The following CFAP61 variants were observed in gnomAD, a reference collection of about 807,000 sequenced individuals.
CFAP61 encodes cilia- and flagella-associated protein 61.
A neutral mutation model predicts 135.6 loss-of-function variants in CFAP61; 107 were observed. That is an observed-to-expected ratio of 0.79 (90% CI 0.67 to 0.93). The LOEUF is 0.93. Among genes scored for constraint, CFAP61 ranks in the 40% least tolerant of loss-of-function variants. The probability of loss-of-function intolerance (pLI) is 0.00; values close to 1 mark genes in which losing one functional copy is unlikely to be tolerated. For synonymous variants in CFAP61, 575 were observed against 578.5 expected (o/e 0.99, Z 0.09); for missense variants, 1,507 against 1,556.2 (o/e 0.97, Z 0.53).
At chr20:20,298,547 T>C (rs964137665) in intron 25 of CFAP61, among the ~76,000 whole-genome samples, 161 bp downstream of exon 25, 1 of 152,170 alleles carries the variant, frequency 6.6e-6, no homozygotes, top group Non-Finnish European at 1.5e-5. Context: ...CTGACGCTAA[T>C]GTGGGCTGGG....
intron 14 of CFAP61, 105 bp downstream of exon 14, chr20:20,188,161 CA>C: frequency 2.5e-6 from 3 of 1,194,920 alleles, no homozygotes; most frequent in Non-Finnish European, 3.6e-6. Flanking sequence ...AATCATATGG[CA>C]GGGGGCAGTG....
intron 2 of CFAP61, among the ~76,000 whole-genome samples, chr20:20,068,828 TCTGCCTCCCAGGTTCAAGCCATTCTC>T (rs2146562170): frequency 6.6e-6 from 1 of 152,374 alleles, no homozygotes; most frequent in African/African-American, 2.4e-5. Context: ...CGCTGCAACC[TCTGCCTCCCAGGTTCAAGCCATTCTC>T]CTGCCTCAGC....
intron 25 of CFAP61, among the ~76,000 whole-genome samples, chr20:20,336,856 GC>G (rs2058210377): frequency 6.6e-6 from 1 of 152,156 alleles, no homozygotes; most frequent in African/African-American, 2.4e-5. Flanking sequence ...CTGCAGCCCT[GC>G]CATGCCAGGC....
chr20:20,081,627 G>A (rs1267901019), intron 6 of CFAP61, among the ~76,000 whole-genome samples: 2 of 152,104 alleles, frequency 1.3e-5, no homozygotes, highest in African/African-American at 2.4e-5. Flanking sequence ...TTATGGTTTG[G>A]TCTCCCTTTC....
intron 25 of CFAP61, among the ~76,000 whole-genome samples, chr20:20,327,777 C>CA (rs60171844): frequency 0.026 from 1,546 of 60,370 alleles, 275 homozygotes; most frequent in South Asian, 0.054. Flanking sequence ...AAGAGCCTGT[C>CA]AAAAAAAAAA....
At chr20:20,099,847 G>A (rs1294912227) in intron 8 of CFAP61, among the ~76,000 whole-genome samples, 2 of 152,206 alleles carry the variant, frequency 1.3e-5, no homozygotes, top group Non-Finnish European at 2.9e-5. Flanking sequence ...ACAGAAGGCA[G>A]TGACTTGGCT....
At chr20:20,145,638 G>T (rs986937977) in intron 9 of CFAP61, among the ~76,000 whole-genome samples, 1 of 152,118 alleles carries the variant, frequency 6.6e-6, no homozygotes, top group Admixed American at 6.5e-5. Flanking sequence ...CTATAAAAAT[G>T]CACTTTAAAT....
At chr20:20,152,690 G>A (rs184014581) in intron 9 of CFAP61, among the ~76,000 whole-genome samples, 33 of 150,222 alleles carry the variant, frequency 2.2e-4, no homozygotes, top group Non-Finnish European at 4.5e-4. Flanking sequence ...AAATATATAT[G>A]CACCTAACAT....
intron 25 of CFAP61, among the ~76,000 whole-genome samples, chr20:20,341,518 C>T (rs1015513176): frequency 7.9e-5 from 12 of 152,264 alleles, no homozygotes; most frequent in African/African-American, 2.9e-4. Flanking sequence ...TTTTCTCAAA[C>T]GAGGGCAGAT....
At chr20:20,354,013 T>C (rs943024764) in intron 26 of CFAP61, among the ~76,000 whole-genome samples, 2 of 152,224 alleles carry the variant, frequency 1.3e-5, no homozygotes, top group African/African-American at 2.4e-5. Context: ...CAAAGAAATA[T>C]CTACATTCCT....
chr20:20,347,265 A>G lies in CFAP61; in HGVS notation c.3513+5344A>G, dbSNP rs551127473. 2.6e-5 allele frequency among the ~76,000 whole-genome samples: 4 copies of G among 152,372 alleles called. No individual in the cohort carries two copies. In the East Asian group the frequency reaches 7.7e-4, roughly 29 times the overall value. Reference sequence around the variant, plus strand: ...TCCAAAGAAAGCAGAATTTAAAGCTATAAGTGCCTACATAAAAAGAACTCA... The same window carrying G: ...TCCAAAGAAAGCAGAATTTAAAGCTGTAAGTGCCTACATAAAAAGAACTCA... On this transcript the variant is annotated intron_variant, in intron 26 of 26. Coordinates refer to ENST00000245957, the MANE Select transcript of CFAP61 (RefSeq NM_015585.4).
intron 18 of CFAP61, among the ~76,000 whole-genome samples, chr20:20,239,790 C>T (rs539698310): frequency 2.6e-5 from 4 of 152,084 alleles, no homozygotes; most frequent in African/African-American, 7.2e-5. Context: ...AACCGGAAAC[C>T]GTTGAGATTT....
chr20:20,335,338 A>G (rs1252396996), intron 25 of CFAP61, among the ~76,000 whole-genome samples: 1 of 152,246 alleles, frequency 6.6e-6, no homozygotes, highest in Non-Finnish European at 1.5e-5. Flanking sequence ...TCTTCGGGGT[A>G]TCACAGCTGA....
intron 17 of CFAP61, among the ~76,000 whole-genome samples, chr20:20,227,693 T>C (rs1471883732): frequency 1.3e-5 from 2 of 152,204 alleles, no homozygotes; most frequent in Non-Finnish European, 2.9e-5. Context: ...ATTGAATGCA[T>C]TTTTGCCATT....
intron 13 of CFAP61, among the ~76,000 whole-genome samples, chr20:20,180,929 C>A (rs1354170623): frequency 6.6e-6 from 1 of 152,018 alleles, no homozygotes; most frequent in African/African-American, 2.4e-5. Flanking sequence ...ACCACACATT[C>A]TCACTTATAG....
chr20:20,333,904 G>C (rs1244099796), intron 25 of CFAP61, among the ~76,000 whole-genome samples: 5 of 152,160 alleles, frequency 3.3e-5, no homozygotes, highest in Non-Finnish European at 7.4e-5. Context: ...TCCCTCGTCA[G>C]GGGAGGTCGT....
intron 20 of CFAP61, among the ~76,000 whole-genome samples, chr20:20,252,849 G>A (rs952886850): frequency 6.6e-6 from 1 of 152,228 alleles, no homozygotes; most frequent in Non-Finnish European, 1.5e-5. Context: ...TTCTGCCTTG[G>A]CCGCACATTG....
rs973366718 is a variant in CFAP61, at chr20:20,291,904, C to A, written c.3216+1513C>A. Among the ~76,000 whole-genome samples the A allele has an allele frequency of 2.0e-5, 3 of 152,228 alleles. No individual in the cohort carries two copies. In the East Asian group the frequency reaches 5.8e-4, roughly 29 times the overall value. On this transcript the variant is annotated intron_variant, in intron 24 of 26. Coordinates refer to ENST00000245957, the MANE Select transcript of CFAP61 (RefSeq NM_015585.4). ...GGCAGATTGGAAGCTGTCTACTTAA[C>A]TTCCATTCCCATTTTCTTCTCTTGA...
chr20:20,360,281 G>T lies in CFAP61; in HGVS notation c.3585G>T (p.Lys1195Asn), dbSNP rs552308123. The change falls in exon 27 of 27, where the codon AAG becomes AAT. Residue 1195 changes from lysine (K) to asparagine (N), a missense_variant. Physicochemically the swap from Lys to Asn is moderately conservative, Grantham distance 94. Transcript: ENST00000245957. ...ATGAGGAAATCAACCCGACTGAGAA[G>T]CCCAGGCAATACCTCAAAAGAGTTT... is the stretch of plus-strand genomic sequence containing the variant. ...IEDEEINPTE[K>N]PRQYLKRVFE... The T allele has an allele frequency of 4.3e-6, 7 of 1,613,916 alleles. No individual in the cohort carries two copies. In the Admixed American group the frequency reaches 6.7e-5, roughly 15 times the overall value.
Sources: allele counts gnomAD v4.1 joint callset (sites outside exome capture counted in the v4.1 genomes callset), GRCh38; gene constraint gnomAD v4.1.1; transcripts MANE v1.5; gene names NCBI Gene and HGNC (gene_info 2026-07-23, HGNC 2026-07-21).